BET1: variants seen among roughly 807,000 people sequenced by gnomAD.
BET1 encodes the protein BET1 homolog.
BET1 carries 9 observed loss-of-function variants against 13.9 expected under a neutral mutation model. The observed-to-expected ratio is 0.65, with a 90% CI of 0.39 to 1.13. BET1 has a LOEUF of 1.13. Ranked by LOEUF, BET1 falls within the 50% of genes most tolerant of loss-of-function variation. The probability of loss-of-function intolerance (pLI) is 0.01; values close to 1 mark genes in which losing one functional copy is unlikely to be tolerated. For missense variants in BET1, 127 were observed against 133.6 expected, an observed-to-expected ratio of 0.95 and a Z score of 0.24; for synonymous variants, 39 against 47.3, an observed-to-expected ratio of 0.82 and a Z score of 0.72.
chr7:93,987,106 TTTTTTTGTTTTTG>T (rs1795541903), intron 4 of BET1: 1 of 149,778 alleles, frequency 6.7e-6, no homozygotes, highest in African/African-American at 2.4e-5. Context: ...AAAAAAAGGG[TTTTTTTGTTTTTG>T]TTTTTTGTTT....
chr7:93,980,786 T>G (rs1795414171), intron 4 of BET1, among the ~76,000 whole-genome samples: 1 of 152,124 alleles, frequency 6.6e-6, no homozygotes, highest in Admixed American at 6.6e-5. Flanking sequence ...AAGGAAAAAT[T>G]TTTAAACGCA....
downstream of BET1, chr7:93,992,892 G>T: frequency 2.0e-6 from 2 of 985,238 alleles, no homozygotes; most frequent in Non-Finnish European, 2.4e-6. Context: ...CCCATCACAC[G>T]TCAGGCTTAT....
intron 4 of BET1, among the ~76,000 whole-genome samples, chr7:93,985,775 C>T (rs553688946): frequency 6.6e-6 from 1 of 152,168 alleles, no homozygotes; most frequent in East Asian, 1.9e-4. Flanking sequence ...GGAATAGGAC[C>T]CAATGAATAT....
chr7:93,974,409 G>A (rs1039852841), intron 5 of BET1, among the ~76,000 whole-genome samples: 1 of 151,840 alleles, frequency 6.6e-6, no homozygotes, highest in Non-Finnish European at 1.5e-5. Flanking sequence ...TTCCAAGGCT[G>A]GCACAGAAAA....
Position 94,004,236 on chromosome 7 carries a change from A to G in BET1, c.-20T>C, listed in dbSNP as rs1795978853. Reference sequence around the variant, plus strand: ...CCTCATCCTGCCAGAGGAGAGAGAGAAAAGGCGGGTGCGGGGCTTTGGGTG... The same window carrying G: ...CCTCATCCTGCCAGAGGAGAGAGAGGAAAGGCGGGTGCGGGGCTTTGGGTG... On this transcript the variant is annotated 5_prime_UTR_variant, in exon 1 of 4. Transcript: ENST00000222547. 1 of 1,613,976 alleles carries G rather than the reference A, an allele frequency of 6.2e-7. No homozygotes were observed. Among genetic ancestry groups the G allele is most frequent in the South Asian group, 1.1e-5 (1 of 91,078 alleles).
chr7:94,003,649 A>G (rs890180686), intron 1 of BET1, among the ~76,000 whole-genome samples: 5 of 152,216 alleles, frequency 3.3e-5, no homozygotes, highest in Non-Finnish European at 7.4e-5. Flanking sequence ...CTACTGCCTT[A>G]ACCGTGGCAC....
intron 4 of BET1, among the ~76,000 whole-genome samples, chr7:93,977,190 G>A (rs553685047): frequency 1.2e-4 from 18 of 152,262 alleles, no homozygotes; most frequent in African/African-American, 4.3e-4. Flanking sequence ...GCTGGGTACG[G>A]TGGCTCATGC....
chr7:93,995,570 T>C (rs1421854438), intron 3 of BET1, among the ~76,000 whole-genome samples: 2 of 152,186 alleles, frequency 1.3e-5, no homozygotes, highest in Non-Finnish European at 2.9e-5. Context: ...CTCACGAAAT[T>C]CTAAATCAGT....
chr7:93,989,455 A>T (rs150661456), downstream of BET1, among the ~76,000 whole-genome samples: 147 of 152,316 alleles, frequency 9.7e-4, no homozygotes, highest in Admixed American at 3.9e-3. Context: ...AAACTGCCCT[A>T]GGGTGGTTGC....
At chr7:93,970,973 A>G (rs1795250954) in intron 6 of BET1, among the ~76,000 whole-genome samples, 1 of 151,734 alleles carries the variant, frequency 6.6e-6, no homozygotes, top group African/African-American at 2.4e-5. Flanking sequence ...GAATAGGGGG[A>G]CATGCTATTA....
intron 3 of BET1, among the ~76,000 whole-genome samples, chr7:93,995,535 C>A (rs1795747076): frequency 6.6e-6 from 1 of 151,932 alleles, no homozygotes; most frequent in Non-Finnish European, 1.5e-5. Context: ...ATGCTTTTTT[C>A]AAAATATTTA....
chr7:93,975,229 A>G (rs1795318183), intron 5 of BET1, among the ~76,000 whole-genome samples: 1 of 152,096 alleles, frequency 6.6e-6, no homozygotes, highest in African/African-American at 2.4e-5. Context: ...AATGTCTGTA[A>G]TTTAATTAAT....
In BET1 at chr7:93,994,203, C is replaced by T; in HGVS notation, c.*27G>A. ...GGTACTGCAAGCCATTAAGTTGGAA[C>T]AAATTCCAAATTCACAATTACATGC... On this transcript the variant is annotated 3_prime_UTR_variant, in exon 4 of 4. Coordinates refer to ENST00000222547, the MANE Select transcript of BET1 (RefSeq NM_005868.6). 1 of 1,580,600 alleles carries T rather than the reference C, an allele frequency of 6.3e-7. No individual in the cohort carries two copies. Among genetic ancestry groups the T allele is most frequent in the East Asian group, 2.3e-5 (1 of 44,340 alleles).
At chr7:93,991,790 G>A (rs770158447), downstream of BET1, 5 of 965,722 alleles carry the variant, frequency 5.2e-6, no homozygotes, top group Non-Finnish European at 4.9e-6. Context: ...TAAATATTTA[G>A]TCAAAGTTTA....
At chr7:93,994,509 T>C (rs1795718888) in intron 3 of BET1, 124 bp from the exon 4 acceptor site, 2 of 1,065,442 alleles carry the variant, frequency 1.9e-6, no homozygotes, top group Non-Finnish European at 2.6e-6. Context: ...GTTTAATCAA[T>C]TCAGGAGCCT....
chr7:93,989,392 T>C (rs952880342), downstream of BET1, among the ~76,000 whole-genome samples: 1 of 152,148 alleles, frequency 6.6e-6, no homozygotes, highest in Non-Finnish European at 1.5e-5. Context: ...GTAGTTTCTT[T>C]TTTAAAAAAA....
At chr7:93,999,035 T>C (rs958940687) in intron 2 of BET1, 135 bp downstream of exon 2, 1 of 579,202 alleles carries the variant, frequency 1.7e-6, no homozygotes, top group Non-Finnish European at 2.6e-6. Context: ...ATTTTGAGTG[T>C]ACTTTGACCT....
chr7:93,999,403 G>A, intron 1 of BET1, 109 bp from the exon 2 acceptor site: 3 of 1,334,632 alleles, frequency 2.2e-6, no homozygotes, highest in Admixed American at 2.5e-5. Context: ...AACCACATAT[G>A]TCTCTAATAT....
intron 4 of BET1, among the ~76,000 whole-genome samples, chr7:93,986,935 T>C (rs1308555948): frequency 1.3e-5 from 2 of 152,182 alleles, no homozygotes; most frequent in African/African-American, 4.8e-5. Context: ...TATACAGGTT[T>C]GTAGCCTGGA....
Sources: gnomAD v4.1 joint callset for allele counts (sites outside exome capture counted in the v4.1 genomes callset) on GRCh38, gnomAD v4.1.1 for gene constraint, MANE v1.5 for transcripts, NCBI Gene and HGNC (gene_info 2026-07-23, HGNC 2026-07-21) for gene names.